ELMOD3: variants seen among roughly 807,000 people sequenced by gnomAD.
ELMOD3 encodes the protein ELMO domain-containing protein 3.
In ELMOD3, 36 loss-of-function variants were observed where a neutral mutation model predicts 47.4. The observed-to-expected ratio is 0.76, with a 90% CI of 0.58 to 1.00. ELMOD3 has a LOEUF of 1.00. Among genes scored for constraint, ELMOD3 ranks in the 50% least tolerant of loss-of-function variants. ELMOD3 has a pLI of 0.00. For missense variants in ELMOD3, 404 were observed against 463.8 expected (o/e 0.87, Z 1.18); for synonymous variants, 149 against 183.5 (o/e 0.81, Z 1.52).
chr2:85,359,005 C>T (rs2104480104), intron 4 of ELMOD3, among the ~76,000 whole-genome samples: 1 of 152,314 alleles, frequency 6.6e-6, no homozygotes, highest in Non-Finnish European at 1.5e-5. Context: ...CGGAAATTGT[C>T]CCATATTGCC....
At chr2:85,382,054 T>C (rs1685581534) in intron 11 of ELMOD3, among the ~76,000 whole-genome samples, 2 of 140,598 alleles carry the variant, frequency 1.4e-5, no homozygotes, top group Non-Finnish European at 1.5e-5. Flanking sequence ...GAGGTGGAGC[T>C]TGCAGCGAGC....
Position 85,371,100 on chromosome 2 carries a change from A to T in ELMOD3, c.375A>T (p.Pro125=). The T allele has an allele frequency of 6.2e-7, 1 of 1,614,134 alleles. No individual in the cohort carries two copies. The highest frequency in any genetic ancestry group is 8.5e-7 in the Non-Finnish European group (1 of 1,179,964). Residue 125 remains proline, a synonymous_variant, in exon 9 of 14, where the codon CCA becomes CCT. Coordinates refer to ENST00000409013, the MANE Select transcript of ELMOD3 (RefSeq NM_001135022.2). The part of the protein sequence containing the change: ...DLSPFKKRIQ[P]TIRRTGLAAL... ...TTCTTCCCCAGAAAAGAATCCAGCC[A>T]ACTATTCGAAGGACTGGGCTCGCCG... is the stretch of plus-strand genomic sequence containing the variant.
At chr2:85,374,446 A>G (rs1326702698) in intron 10 of ELMOD3, among the ~76,000 whole-genome samples, 1 of 152,118 alleles carries the variant, frequency 6.6e-6, no homozygotes, top group East Asian at 1.9e-4. Flanking sequence ...GGTTCAAGCA[A>G]TTCTCCTGCC....
At chr2:85,361,440 C>T (rs1683947912) in intron 4 of ELMOD3, among the ~76,000 whole-genome samples, 1 of 152,216 alleles carries the variant, frequency 6.6e-6, no homozygotes, top group South Asian at 2.1e-4. Flanking sequence ...CAGAGTTCAT[C>T]CTTTTTTTGT....
chr2:85,390,722 C>A, intron 13 of ELMOD3, 38 bp from the exon 14 acceptor site: 1 of 1,547,148 alleles, frequency 6.5e-7, no homozygotes, highest in Non-Finnish European at 8.7e-7. Context: ...ACCCAGAGCC[C>A]CCTCAAGCCT....
chr2:85,388,921 G>C (rs1573158015), intron 11 of ELMOD3, among the ~76,000 whole-genome samples: 1 of 152,222 alleles, frequency 6.6e-6, no homozygotes, highest in African/African-American at 2.4e-5. Flanking sequence ...ACTAAGGAAT[G>C]CACTGGTCTA....
intron 10 of ELMOD3, 82 bp from the exon 11 acceptor site, chr2:85,377,262 C>T (rs1461041395): frequency 2.3e-6 from 3 of 1,319,448 alleles, no homozygotes; most frequent in Non-Finnish European, 3.1e-6. Context: ...GGGAAGAGGC[C>T]AGTGTCAGGG....
At chr2:85,386,641 T>A (rs2104727847) in intron 11 of ELMOD3, among the ~76,000 whole-genome samples, 1 of 152,122 alleles carries the variant, frequency 6.6e-6, no homozygotes, top group South Asian at 2.1e-4. Flanking sequence ...CACCTCGGCC[T>A]CCAAAAATGC....
intron 11 of ELMOD3, among the ~76,000 whole-genome samples, chr2:85,388,475 A>T (rs1252780359): frequency 1.3e-5 from 2 of 152,066 alleles, no homozygotes; most frequent in East Asian, 3.9e-4. Flanking sequence ...GTCCTTTTTG[A>T]TTTTGAGAGA....
chr2:85,379,864 T>G (rs571346279), intron 11 of ELMOD3, among the ~76,000 whole-genome samples: 14 of 152,314 alleles, frequency 9.2e-5, no homozygotes, highest in Admixed American at 3.3e-4. Context: ...TACCATCAAA[T>G]ATCTATGAGT....
Position 85,391,673 on chromosome 2 carries a change from CATG to C in ELMOD3, c.*716_*718del, listed in dbSNP as rs990146202. The C allele has an allele frequency of 1.2e-4, 19 of 152,714 alleles. No homozygotes were observed. The highest frequency in any genetic ancestry group is 4.3e-4 in the African/African-American group (18 of 41,474). 9.5% of individuals were successfully genotyped at this position (152,714 alleles called of 1,614,324 possible). On this transcript the variant is annotated 3_prime_UTR_variant, in exon 14 of 14. Transcript: ENST00000409013. ...CCTCCTGTAGATGCTGTGCATGCCC[CATG>C]ATGAGTTTCTGGCCTAATTGAGGGA...
intron 3 of ELMOD3, 84 bp from the exon 4 acceptor site, chr2:85,356,880 CAAA>C (rs759699457): frequency 2.5e-4 from 35 of 139,936 alleles, no homozygotes; most frequent in East Asian, 3.7e-4. Flanking sequence ...GACTCCAACT[CAAA>C]AAAAAAAAAA....
intron 6 of ELMOD3, 91 bp from the exon 7 acceptor site, chr2:85,368,594 AG>A: frequency 7.8e-7 from 1 of 1,280,262 alleles, no homozygotes; most frequent in Non-Finnish European, 1.1e-6. Flanking sequence ...AAAAAAAAAT[AG>A]GCCCAAGGCA....
In ELMOD3 at chr2:85,362,220, A is replaced by G. The variant is rs1217330783; in HGVS notation, c.89A>G (p.Tyr30Cys). Reference protein sequence around the residue: ...ERLSAGYSPSYDKDKSVLAFR... With the variant: ...ERLSAGYSPSCDKDKSVLAFR... ...TTGTCTGCTGGATATTCTCCATCATATGACAAGGACAAGAGTGTTCTGGCT... is the reference window on the plus strand; with the variant it reads ...TTGTCTGCTGGATATTCTCCATCATGTGACAAGGACAAGAGTGTTCTGGCT... Residue 30 changes from tyrosine to cysteine, a missense_variant, in exon 5 of 14, where the codon TAT (tyrosine) becomes TGT (cysteine). Transcript: ENST00000409013. 6.2e-7 allele frequency: 1 copy of G among 1,608,204 alleles called. No individual in the cohort carries two copies. The highest frequency in any genetic ancestry group is 2.2e-5 in the East Asian group (1 of 44,846).
chr2:85,357,325 T>G (rs1250338955), intron 4 of ELMOD3, 73 bp downstream of exon 4: 3 of 1,008,736 alleles, frequency 3.0e-6, no homozygotes, highest in East Asian at 5.5e-5. Flanking sequence ...AAGAATATAT[T>G]AAGAGAATAT....
At chr2:85,384,035 G>A (rs1009778413) in intron 11 of ELMOD3, among the ~76,000 whole-genome samples, 1 of 152,236 alleles carries the variant, frequency 6.6e-6, no homozygotes, top group Non-Finnish European at 1.5e-5. Flanking sequence ...GCAAAAGCGG[G>A]ATGACTGAAA....
rs1686319726 is a variant in ELMOD3, at chr2:85,391,027, T to C, written c.*65T>C. 2.7e-6 allele frequency: 4 copies of C among 1,470,018 alleles called. No homozygotes were observed. Among genetic ancestry groups the C allele is most frequent in the East Asian group, 2.5e-5 (1 of 40,162 alleles). The allele number at this position is 1,470,018 out of a possible 1,614,324, so 91.1% of individuals were successfully genotyped here. On this transcript the variant is annotated 3_prime_UTR_variant, in exon 14 of 14. Transcript: ENST00000409013. The stretch of plus-strand genomic sequence containing the variant: ...GGCTTTCAGGGGGTCAGTGGAGCCA[T>C]GTCAGGAGCCTGGCCAGGCCGCACC...
chr2:85,369,536 G>C (rs1412899267), intron 7 of ELMOD3, among the ~76,000 whole-genome samples: 1 of 152,196 alleles, frequency 6.6e-6, no homozygotes, highest in Non-Finnish European at 1.5e-5. Context: ...GACCTAGCAA[G>C]ACTGAATAGC....
chr2:85,361,791 C>A (rs186479630), intron 4 of ELMOD3, among the ~76,000 whole-genome samples: 1 of 152,072 alleles, frequency 6.6e-6, no homozygotes. Flanking sequence ...ATTAGTCGGG[C>A]CTGGTGGCAG....
Sources: allele counts gnomAD v4.1 joint callset (sites outside exome capture counted in the v4.1 genomes callset), GRCh38; gene constraint gnomAD v4.1.1; transcripts MANE v1.5; gene names NCBI Gene and HGNC (gene_info 2026-07-23, HGNC 2026-07-21).